Variants in FRAS1 observed in about 807,000 individuals in gnomAD.
FRAS1 encodes the protein extracellular matrix organizing protein FRAS1.
Under a neutral mutation model 435.2 loss-of-function variants are expected in FRAS1, and 290 were observed. That is an observed-to-expected ratio of 0.67 (90% CI 0.61 to 0.73). FRAS1 has a LOEUF of 0.73. Ranked by LOEUF, FRAS1 falls within the 30% of genes least tolerant of loss-of-function variation. The pLI is 0.00. For synonymous variants in FRAS1, 1,800 were observed against 1,851.0 expected, an observed-to-expected ratio of 0.97 and a Z score of 0.71; for missense variants, 4,860 against 5,001.5, an observed-to-expected ratio of 0.97 and a Z score of 0.85.
chr4:78,137,349 A>C (rs909745865), intron 2 of FRAS1, among the ~76,000 whole-genome samples: 1 of 152,216 alleles, frequency 6.6e-6, no homozygotes, highest in Non-Finnish European at 1.5e-5. Context: ...TTCTTTAATC[A>C]TATATGTATA....
At chr4:78,463,363 A>T (rs761360202) in intron 47 of FRAS1, among the ~76,000 whole-genome samples, 4 of 152,116 alleles carry the variant, frequency 2.6e-5, no homozygotes, top group Non-Finnish European at 2.9e-5. Context: ...TTATTAAAGG[A>T]TATTGTTTTT....
At chr4:78,360,518 A>C (rs974301691) in intron 20 of FRAS1, among the ~76,000 whole-genome samples, 2 of 152,180 alleles carry the variant, frequency 1.3e-5, no homozygotes, top group African/African-American at 4.8e-5. Flanking sequence ...TCAAGAATAT[A>C]GGTGTAGGCA....
At chr4:78,304,966 T>G (rs1242399621) in intron 14 of FRAS1, among the ~76,000 whole-genome samples, 1 of 152,218 alleles carries the variant, frequency 6.6e-6, no homozygotes, top group Non-Finnish European at 1.5e-5. Context: ...GGTGTCAATT[T>G]TGGATCTTTC....
At chr4:78,301,556 T>A (rs1256269152) in intron 14 of FRAS1, among the ~76,000 whole-genome samples, 2 of 152,168 alleles carry the variant, frequency 1.3e-5, no homozygotes, top group African/African-American at 2.4e-5. Flanking sequence ...AGATGTCAAG[T>A]AGGACTGGGT....
chr4:78,277,410 G>T (rs902451649), intron 9 of FRAS1, among the ~76,000 whole-genome samples: 2 of 152,146 alleles, frequency 1.3e-5, no homozygotes, highest in Non-Finnish European at 2.9e-5. Flanking sequence ...CATCACTCAT[G>T]CTGGTAGCTG....
intron 47 of FRAS1, among the ~76,000 whole-genome samples, chr4:78,462,881 G>A (rs1215859010): frequency 4.6e-5 from 7 of 152,184 alleles, no homozygotes; most frequent in Admixed American, 4.6e-4. Context: ...TAAACCATGT[G>A]TGTTGATTTT....
rs990757780 is a variant in FRAS1, at chr4:78,488,870, C to T, written c.8753-5C>T. ...GTGCGTCTGTCTTTCTGTCTGCCCA[C>T]CTAGTGCCCAGCATGCAGTTTGCCA... On this transcript the variant is annotated splice_region_variant and splice_polypyrimidine_tract_variant and intron_variant, in intron 58 of 73. Transcript: ENST00000512123. 4 of 1,610,946 alleles carry T rather than the reference C, an allele frequency of 2.5e-6. No homozygotes were observed. The highest frequency in any genetic ancestry group is 1.3e-5 in the African/African-American group (1 of 74,978).
At chr4:78,365,216 A>T (rs1205377400) in intron 22 of FRAS1, among the ~76,000 whole-genome samples, 1 of 152,232 alleles carries the variant, frequency 6.6e-6, no homozygotes, top group Non-Finnish European at 1.5e-5. Flanking sequence ...TGCATTAGTT[A>T]TATGAAACTC....
intron 18 of FRAS1, among the ~76,000 whole-genome samples, chr4:78,325,309 G>A (rs1729674345): frequency 6.6e-6 from 1 of 152,182 alleles, no homozygotes; most frequent in South Asian, 2.1e-4. Context: ...ACTTGGTTTA[G>A]GTGAATGGGA....
At chr4:78,412,540 C>T (rs1023316511) in intron 31 of FRAS1, among the ~76,000 whole-genome samples, 1 of 152,166 alleles carries the variant, frequency 6.6e-6, no homozygotes, top group Non-Finnish European at 1.5e-5. Flanking sequence ...ATATTACATA[C>T]TCATAATAAG....
At chr4:78,113,255 C>T (rs1742870603) in intron 2 of FRAS1, among the ~76,000 whole-genome samples, 1 of 152,136 alleles carries the variant, frequency 6.6e-6, no homozygotes. Context: ...AGTTCCAAGT[C>T]TTTGCTATTG....
At chr4:78,176,289 A>G (rs878980114) in intron 2 of FRAS1, among the ~76,000 whole-genome samples, 1 of 152,198 alleles carries the variant, frequency 6.6e-6, no homozygotes. Context: ...ACAGCATCCC[A>G]TTTGTTCTCC....
intron 18 of FRAS1, among the ~76,000 whole-genome samples, chr4:78,329,716 G>A (rs548675657): frequency 1.3e-5 from 2 of 152,302 alleles, no homozygotes; most frequent in Admixed American, 1.3e-4. Context: ...GACCATTCAT[G>A]GGAAATGGTC....
chr4:78,239,055 C>T (rs1000649320), intron 3 of FRAS1, among the ~76,000 whole-genome samples: 3 of 152,154 alleles, frequency 2.0e-5, no homozygotes, highest in Non-Finnish European at 2.9e-5. Flanking sequence ...TATGTATAGA[C>T]CTTGGCTGCA....
intron 58 of FRAS1, among the ~76,000 whole-genome samples, chr4:78,488,128 G>A (rs888917665): frequency 3.9e-5 from 6 of 151,942 alleles, no homozygotes; most frequent in African/African-American, 9.7e-5. Flanking sequence ...GCGAGACTCC[G>A]TCTCAAAAAA....
In FRAS1 at chr4:78,287,241, G is replaced by A. The variant is rs202064930; in HGVS notation, c.1534+702G>A. Among the ~76,000 whole-genome samples, 35 of 152,282 alleles carry A rather than the reference G, an allele frequency of 2.3e-4. No individual in the cohort carries two copies. In the East Asian group the frequency reaches 6.7e-3, roughly 29 times the overall value. On this transcript the variant is annotated intron_variant, in intron 14 of 73. Transcript: ENST00000512123. The stretch of plus-strand genomic sequence containing the variant: ...GAACTCACTCACTATCATGAGAACA[G>A]CATGGGGGAAACTGCCCCCATGATC...
rs1193811068 is a variant in FRAS1 at position 78,236,324 on chromosome 4, G to C, written c.109-1186G>C. Among the ~76,000 whole-genome samples the C allele has an allele frequency of 2.0e-5, 3 of 150,890 alleles. No homozygotes were observed. In the East Asian group the frequency reaches 5.9e-4, roughly 30 times the overall value. ...TATTTATTTATTTTTTGGCTTTGAG[G>C]TTTTTTTAAAATTTTTTATTTCAAT... On this transcript the variant is annotated intron_variant, in intron 2 of 73. Transcript: ENST00000512123.
chr4:78,450,413 T>G (rs1718986983), intron 45 of FRAS1, 74 bp downstream of exon 45: 7 of 1,182,306 alleles, frequency 5.9e-6, no homozygotes, highest in Non-Finnish European at 8.9e-6. Flanking sequence ...ATTAAATATC[T>G]GGTAGTCTAT....
chr4:78,537,185 C>G lies in FRAS1; in HGVS notation c.11283C>G (p.His3761Gln). 1 of 1,613,842 alleles carries G rather than the reference C, an allele frequency of 6.2e-7. No individual in the cohort carries two copies. The highest frequency in any genetic ancestry group is 8.5e-7 in the Non-Finnish European group (1 of 1,179,818). ...TTCAGCCAAACAAACACCTAAAACA[C>G]AGATTCCTGCTGTTGGTATGCTAAG... ...GCIQPNKHLK[H>Q]RFLLLDRNQP... Residue 3761 changes from histidine (H) to glutamine (Q), a missense_variant, in exon 72 of 74, where the codon CAC becomes CAG. His to Gln is a conservative substitution (Grantham distance 24). Coordinates refer to ENST00000512123, the MANE Select transcript of FRAS1 (RefSeq NM_025074.7).
Sources: allele counts gnomAD v4.1 joint callset (sites outside exome capture counted in the v4.1 genomes callset), GRCh38; gene constraint gnomAD v4.1.1; transcripts MANE v1.5; gene names NCBI Gene and HGNC (gene_info 2026-07-23, HGNC 2026-07-21).